The following ACBD6 variants were observed in gnomAD, a reference collection of about 807,000 sequenced individuals.
ACBD6 encodes acyl-CoA-binding domain-containing protein 6.
A neutral mutation model predicts 37.2 loss-of-function variants in ACBD6; 28 were observed. That is an observed-to-expected ratio of 0.75 (90% CI 0.56 to 1.03). The LOEUF (loss-of-function observed/expected upper bound fraction) is 1.03, where lower values mean the gene tolerates loss of function less well. Ranked by LOEUF, ACBD6 falls within the 50% of genes least tolerant of loss-of-function variation. The pLI, the probability that ACBD6 is intolerant of heterozygous loss-of-function variation, is 0.00. For missense variants in ACBD6, 340 were observed against 337.4 expected, an observed-to-expected ratio of 1.01 and a Z score of -0.06; for synonymous variants, 113 against 126.8, an observed-to-expected ratio of 0.89 and a Z score of 0.73.
At chr1:180,454,897 T>C (rs568572581) in intron 3 of ACBD6, among the ~76,000 whole-genome samples, 34 of 152,202 alleles carry the variant, frequency 2.2e-4, no homozygotes, top group African/African-American at 7.7e-4. Context: ...TGTGGAGAAA[T>C]AGGAACACTT....
intron 3 of ACBD6, chr1:180,435,858 A>G: frequency 7.6e-7 from 1 of 1,310,700 alleles, no homozygotes; most frequent in Non-Finnish European, 1.1e-6. Flanking sequence ...CCAGGTATCA[A>G]ATTGACACTG....
At chr1:180,493,247 CAAAAAAAAAAAAAAAAAAAAAA>C (rs71121023) in intron 2 of ACBD6, among the ~76,000 whole-genome samples, 1 of 47,810 alleles carries the variant, frequency 2.1e-5, no homozygotes, top group South Asian at 1.2e-3. Context: ...AATTCTGTCT[CAAAAAAAAAAAAAAAAAAAAAA>C]AAAAAAAAAC....
At chr1:180,355,527 T>C (rs2101897386) in intron 6 of ACBD6, among the ~76,000 whole-genome samples, 1 of 152,354 alleles carries the variant, frequency 6.6e-6, no homozygotes, top group South Asian at 2.1e-4. Context: ...CTCATTATTT[T>C]TTTGCCCATA....
intron 2 of ACBD6, 30 bp from the exon 3 acceptor site, chr1:180,492,395 T>A (rs768847483): frequency 6.5e-7 from 1 of 1,533,526 alleles, no homozygotes; most frequent in Non-Finnish European, 9.0e-7. Context: ...AAATGGCCTG[T>A]CATTATGCAA....
intron 6 of ACBD6, among the ~76,000 whole-genome samples, chr1:180,389,298 A>C (rs1298529521): frequency 6.6e-6 from 1 of 152,126 alleles, no homozygotes; most frequent in Non-Finnish European, 1.5e-5. Flanking sequence ...GATGATTTCC[A>C]ATTTCATCCA....
downstream of ACBD6, among the ~76,000 whole-genome samples, chr1:180,283,910 A>G (rs1649388245): frequency 6.6e-6 from 1 of 152,042 alleles, no homozygotes; most frequent in Non-Finnish European, 1.5e-5. Context: ...TAATGCAAAC[A>G]TTCCAAAATT....
chr1:180,421,111 T>C (rs1440685995), intron 4 of ACBD6, among the ~76,000 whole-genome samples: 1 of 152,182 alleles, frequency 6.6e-6, no homozygotes, highest in Non-Finnish European at 1.5e-5. Flanking sequence ...GACTGTCTCA[T>C]CACCTAGGTA....
At position 180,413,451 on chromosome 1, in the gene ACBD6, A is replaced by T; in HGVS notation, c.488T>A (p.Phe163Tyr). Residue 163 changes from phenylalanine (F) to tyrosine (Y), a missense_variant, in exon 5 of 8, where the codon TTT (phenylalanine) becomes TAT (tyrosine). By Grantham distance (22) the Phe-to-Tyr change is conservative. Transcript: ENST00000367595. The stretch of plus-strand genomic sequence containing the variant: ...AATGTTGTTTTCCCTGCAGTAATCA[A>T]ATATATTTTTGTCTTCTTCCCTAGA... ...ETIREEDKNI[F>Y]DYCRENNIDH... 1.9e-6 allele frequency: 3 copies of T among 1,612,660 alleles called. No homozygotes were observed. The highest frequency in any genetic ancestry group is 2.5e-6 in the Non-Finnish European group (3 of 1,179,604).
intron 7 of ACBD6, among the ~76,000 whole-genome samples, chr1:180,312,098 G>A (rs1244122888): frequency 2.0e-5 from 3 of 152,166 alleles, no homozygotes; most frequent in Non-Finnish European, 4.4e-5. Context: ...TTAGGGCAAA[G>A]CTTGTTAAAT....
At chr1:180,271,729 T>C (rs766093862) in exon 14 of ACBD6, 54 of 1,369,542 alleles carry the variant, frequency 3.9e-5, no homozygotes, top group Admixed American at 5.0e-5. Context: ...AGACCTGTGC[T>C]CCATTCAGGC....
chr1:180,380,280 C>CA (rs1183495974), intron 6 of ACBD6, among the ~76,000 whole-genome samples: 1 of 45,804 alleles, frequency 2.2e-5, no homozygotes, highest in Non-Finnish European at 1.0e-4. Context: ...CAAAACAAAA[C>CA]AAACAAACAA....
intron 7 of ACBD6, among the ~76,000 whole-genome samples, chr1:180,290,440 G>C (rs1649658695): frequency 6.6e-6 from 1 of 152,214 alleles, no homozygotes; most frequent in South Asian, 2.1e-4. Flanking sequence ...GCCTCCCAAA[G>C]TGCTGGGATT....
At chr1:180,479,742 C>T (rs1242374116) in intron 3 of ACBD6, among the ~76,000 whole-genome samples, 1 of 152,054 alleles carries the variant, frequency 6.6e-6, no homozygotes, top group Non-Finnish European at 1.5e-5. Flanking sequence ...GTAATCCCAG[C>T]ACTTTGAGGC....
chr1:180,493,272 A>AAAAAAAAAAAAG (rs1651592048), intron 2 of ACBD6, among the ~76,000 whole-genome samples: 1 of 141,076 alleles, frequency 7.1e-6, no homozygotes, highest in Non-Finnish European at 1.5e-5. Context: ...AAAAAAAAAA[A>AAAAAAAAAAAAG]AAAAAACAAC....
chr1:180,381,875 A>G (rs1653665457), intron 6 of ACBD6, among the ~76,000 whole-genome samples: 1 of 152,172 alleles, frequency 6.6e-6, no homozygotes, highest in South Asian at 2.1e-4. Context: ...TGGGAGGCCG[A>G]GGTGGGCAGA....
At chr1:180,285,343 C>T (rs1649451276), downstream of ACBD6, among the ~76,000 whole-genome samples, 1 of 152,000 alleles carries the variant, frequency 6.6e-6, no homozygotes, top group African/African-American at 2.4e-5. Flanking sequence ...CAGAGTGAGA[C>T]CTTGTCTCAA....
chr1:180,490,739 T>C (rs897399092), intron 3 of ACBD6, among the ~76,000 whole-genome samples: 1 of 150,558 alleles, frequency 6.6e-6, no homozygotes, highest in African/African-American at 2.4e-5. Flanking sequence ...TGAGCCGAGA[T>C]TGCGCCACTG....
At chr1:180,336,123 G>A (rs1027771091) in intron 6 of ACBD6, among the ~76,000 whole-genome samples, 5 of 149,812 alleles carry the variant, frequency 3.3e-5, no homozygotes, top group African/African-American at 9.9e-5. Flanking sequence ...AGTTAACAAG[G>A]ATATCCAGGA....
At chr1:180,420,648 C>T (rs1037259653) in intron 4 of ACBD6, among the ~76,000 whole-genome samples, 2 of 152,082 alleles carry the variant, frequency 1.3e-5, no homozygotes, top group South Asian at 2.1e-4. Context: ...CTTTAAAAGG[C>T]GGTCTCTTAC....
Sources: gnomAD v4.1 joint callset for allele counts (sites outside exome capture counted in the v4.1 genomes callset) on GRCh38, gnomAD v4.1.1 for gene constraint, MANE v1.5 for transcripts, NCBI Gene and HGNC (gene_info 2026-07-23, HGNC 2026-07-21) for gene names.